The following DLX4 variants were observed in gnomAD, a reference collection of about 807,000 sequenced individuals.
The protein encoded by DLX4 is homeobox protein DLX-4.
A neutral mutation model predicts 17.1 loss-of-function variants in DLX4; 13 were observed. The ratio of observed to expected loss-of-function variants is 0.76; its 90% CI spans 0.49 to 1.21. The LOEUF (loss-of-function observed/expected upper bound fraction) is 1.21, where lower values mean the gene tolerates loss of function less well. DLX4 is among the 50% of genes most tolerant of loss of function. The pLI is 0.00. For synonymous variants in DLX4, 129 were observed against 140.3 expected (o/e 0.92, Z 0.57); for missense variants, 297 against 301.4 (o/e 0.99, Z 0.11).
chr17:49,974,288 C>T lies in DLX4; in HGVS notation c.*345C>T, dbSNP rs946123730. On this transcript the variant is annotated 3_prime_UTR_variant, in exon 3 of 3. Transcript: ENST00000240306. ...CTCCCCCACTCCTTCTTCCCTCTCTCCCTTTCTCCTCTCCCTGCTTTCTTG... is the reference window on the plus strand; with the variant it reads ...CTCCCCCACTCCTTCTTCCCTCTCTTCCTTTCTCCTCTCCCTGCTTTCTTG... 17 of 203,848 alleles carry T rather than the reference C, an allele frequency of 8.3e-5. No individual in the cohort carries two copies. The highest frequency in any genetic ancestry group is 3.8e-4 in the South Asian group (2 of 5,320). The allele number at this position is 203,848 out of a possible 1,614,324, so 12.6% of individuals were successfully genotyped here.
Position 49,973,780 on chromosome 17 carries a change from TC to T in DLX4, c.563del (p.Pro188LeufsTer52). ...KQNSGGQEGD[F>X]PGRTFSVSPC... Reference sequence around the variant, plus strand: ...AATTCTGGGGGGCAGGAAGGGGACTTCCCTGGGAGGACCTTCTCTGTGTCTC... The same window carrying T: ...AATTCTGGGGGGCAGGAAGGGGACTTCCTGGGAGGACCTTCTCTGTGTCTC... On this transcript the variant is annotated frameshift_variant, in exon 3 of 3. Transcript: ENST00000240306. LOFTEE classifies it low-confidence loss of function (END_TRUNC). 6.3e-7 allele frequency: 1 copy of T among 1,587,992 alleles called. No homozygotes were observed. The highest frequency in any genetic ancestry group is 1.7e-4 in the Middle Eastern group (1 of 5,960).
intron 2 of DLX4, 158 bp from the exon 3 acceptor site, chr17:49,973,543 G>C: frequency 9.3e-7 from 1 of 1,070,082 alleles, no homozygotes; most frequent in South Asian, 1.6e-5. Flanking sequence ...AACTCAGAAG[G>C]CTCCTGGGGC....
At chr17:49,971,029 G>A (rs1905484969) in intron 1 of DLX4, among the ~76,000 whole-genome samples, 1 of 152,180 alleles carries the variant, frequency 6.6e-6, no homozygotes. Flanking sequence ...GTTGCAGGGA[G>A]GAGTAGTTCT....
chr17:49,969,640 C>G lies in DLX4; in HGVS notation c.172C>G (p.Pro58Ala). ...SRPYGHLLSY[P>A]YTEPANPGDS... ...GCCGTATGGCCACCTCCTGTCTTAC[C>G]CCTACACCGAGCCAGCGAACCCCGG... The change falls in exon 1 of 3, where the codon CCC becomes GCC. Residue 58 changes from proline (P) to alanine (A), a missense_variant. Transcript: ENST00000240306. 3.1e-6 allele frequency: 5 copies of G among 1,612,296 alleles called. No homozygotes were observed. The highest frequency in any genetic ancestry group is 4.2e-6 in the Non-Finnish European group (5 of 1,179,988).
In DLX4 at chr17:49,972,888, G is replaced by A; in HGVS notation, c.284-185G>A. 1 of 1,448,810 alleles carries A rather than the reference G, an allele frequency of 6.9e-7. No homozygotes were observed. Among genetic ancestry groups the A allele is most frequent in the South Asian group, 1.5e-5 (1 of 67,654 alleles). 89.7% of individuals were successfully genotyped at this position (1,448,810 alleles called of 1,614,324 possible). A position where few individuals can be genotyped will look rare whatever the true frequency, so the allele number is the denominator to read the frequency against. On this transcript the variant is annotated intron_variant, in intron 1 of 2. Coordinates refer to ENST00000240306, the MANE Select transcript of DLX4 (RefSeq NM_138281.3). This position sits in a 1 kb window ranked among gnomAD's most constrained non-coding sequence, Gnocchi z 5.4. ...TCTTGTATCACCTGGCGCGGTGAAC[G>A]TGGGGGTTGAAACGCTCCACGCGGA...
intron 1 of DLX4, among the ~76,000 whole-genome samples, chr17:49,971,471 G>A (rs1905501844): frequency 6.6e-6 from 1 of 152,138 alleles, no homozygotes; most frequent in African/African-American, 2.4e-5. Context: ...GGGCCTGGAG[G>A]GAGGCCTTGG....
rs1794481882 is a variant in DLX4, at chr17:49,969,534, C to T, written c.66C>T (p.Ala22=). ...CCAAAGCTGTCTTCCCAGACCTCGCCCCTGTCCCGTCGGTAGCGGCTGCCT... is the reference window on the plus strand; with the variant it reads ...CCAAAGCTGTCTTCCCAGACCTCGCTCCTGTCCCGTCGGTAGCGGCTGCCT... ...DASKAVFPDL[A]PVPSVAAAYP... The change falls in exon 1 of 3, where the codon GCC becomes GCT. Residue 22 remains alanine (A), a synonymous_variant. Transcript: ENST00000240306. 9 of 1,613,124 alleles carry T rather than the reference C, an allele frequency of 5.6e-6. No homozygotes were observed. Among genetic ancestry groups the T allele is most frequent in the Non-Finnish European group, 7.6e-6 (9 of 1,179,962 alleles).
rs1335235731 is a variant in DLX4, at chr17:49,973,165, A to T, written c.376A>T (p.Ser126Cys). 4.3e-6 allele frequency: 7 copies of T among 1,614,022 alleles called. No homozygotes were observed. The highest frequency in any genetic ancestry group is 5.9e-6 in the Non-Finnish European group (7 of 1,180,028). ...CCGCAAGCCGAGGACCATCTACTCC[A>T]GCCTGCAGCTGCAGCACCTAAACCA... ...KLRKPRTIYSSLQLQHLNQRF... is the reference protein window; with the variant it reads ...KLRKPRTIYSCLQLQHLNQRF... Residue 126 changes from serine (S) to cysteine (C), a missense_variant, in exon 2 of 3, where the codon AGC (serine) becomes TGC (cysteine). Ser to Cys is a moderately radical substitution (Grantham distance 112, BLOSUM62 -1). Coordinates refer to ENST00000240306, the MANE Select transcript of DLX4 (RefSeq NM_138281.3).
chr17:49,973,828 C>T lies in DLX4; in HGVS notation c.608C>T (p.Ser203Phe), dbSNP rs536497798. 5.6e-6 allele frequency: 9 copies of T among 1,610,544 alleles called. No homozygotes were observed. Among genetic ancestry groups the T allele is most frequent in the Admixed American group, 5.0e-5 (3 of 59,692 alleles). The change falls in exon 3 of 3, where the codon TCC becomes TTC. Residue 203 changes from serine to phenylalanine, a missense_variant. Physicochemically the swap from Ser to Phe is radical, Grantham distance 155 (BLOSUM62 -2). Transcript: ENST00000240306. ...TCTCCCTGCTCCCCACCCCTCCCCT[C>T]CCTCTGGGATCTACCCAAGGCAGGG... is the stretch of plus-strand genomic sequence containing the variant. ...SVSPCSPPLP[S>F]LWDLPKAGTL...
Position 49,974,150 on chromosome 17 carries a change from A to C in DLX4, c.*207A>C. ...TCAAGGACCTCAGCCTTATATAATC[A>C]TTGTCCCCACCACTACCATGGACTG... On this transcript the variant is annotated 3_prime_UTR_variant, in exon 3 of 3. Coordinates refer to ENST00000240306, the MANE Select transcript of DLX4 (RefSeq NM_138281.3). 1 of 510,662 alleles carries C rather than the reference A, an allele frequency of 2.0e-6. No individual in the cohort carries two copies. 31.6% of individuals were successfully genotyped at this position (510,662 alleles called of 1,614,324 possible).
chr17:49,968,758 C>T (rs1164208029), upstream of DLX4, among the ~76,000 whole-genome samples: 1 of 152,214 alleles, frequency 6.6e-6, no homozygotes, highest in African/African-American at 2.4e-5. Context: ...CGGCGCATTC[C>T]GACGCGCTGA....
chr17:49,970,244 C>T (rs1224176683), intron 1 of DLX4, among the ~76,000 whole-genome samples: 3 of 152,182 alleles, frequency 2.0e-5, no homozygotes, highest in African/African-American at 4.8e-5. Flanking sequence ...CTGTAGACAT[C>T]GAGGCTTATT....
At chr17:49,971,049 A>G (rs996606818) in intron 1 of DLX4, among the ~76,000 whole-genome samples, 14 of 152,130 alleles carry the variant, frequency 9.2e-5, no homozygotes, top group African/African-American at 3.1e-4. Flanking sequence ...TAGTTTTTCA[A>G]ATGAATCCCT....
chr17:49,973,672 T>G, intron 2 of DLX4, 29 bp from the exon 3 acceptor site: 1 of 1,495,582 alleles, frequency 6.7e-7, no homozygotes, highest in South Asian at 1.4e-5. Context: ...CCTCCTGATC[T>G]TTCATTCTTT....
In DLX4 at chr17:49,972,912, G is replaced by A. The variant is rs1352041136; in HGVS notation, c.284-161G>A. 1.1e-5 allele frequency: 16 copies of A among 1,458,060 alleles called. No homozygotes were observed. The South Asian group carries it at 2.3e-4, about 21-fold the overall frequency. 90.3% of individuals were successfully genotyped at this position (1,458,060 alleles called of 1,614,324 possible). A position where few individuals can be genotyped will look rare whatever the true frequency, so the allele number is the denominator to read the frequency against. On this transcript the variant is annotated intron_variant, in intron 1 of 2. Coordinates refer to ENST00000240306, the MANE Select transcript of DLX4 (RefSeq NM_138281.3). This position sits in a 1 kb window ranked among gnomAD's most constrained non-coding sequence, Gnocchi z 5.4. ...CGTGGGGGTTGAAACGCTCCACGCG[G>A]AAGGTAGAGGGCAGGGGCCAAGGGG...
At chr17:49,970,794 C>A (rs548665772) in intron 1 of DLX4, among the ~76,000 whole-genome samples, 1 of 152,336 alleles carries the variant, frequency 6.6e-6, no homozygotes, top group East Asian at 1.9e-4. Context: ...AGGACCAAGA[C>A]ATCTTCCTCC....
At position 49,972,854 on chromosome 17, in the gene DLX4, A is replaced by G; in HGVS notation, c.284-219A>G. 2 of 1,436,652 alleles carry G rather than the reference A, an allele frequency of 1.4e-6. No homozygotes were observed. 89.0% of individuals were successfully genotyped at this position (1,436,652 alleles called of 1,614,324 possible). On this transcript the variant is annotated intron_variant, in intron 1 of 2. Transcript: ENST00000240306. This position sits in a 1 kb window ranked among gnomAD's most constrained non-coding sequence, Gnocchi z 5.4. The stretch of plus-strand genomic sequence containing the variant: ...ATACGAGTGGGAGCTCCCTGGGAGC[A>G]GAACTGCGTCTTGTATCACCTGGCG...
chr17:49,968,573 G>A (rs1297467453), upstream of DLX4, among the ~76,000 whole-genome samples: 1 of 152,176 alleles, frequency 6.6e-6, no homozygotes, highest in Non-Finnish European at 1.5e-5. Context: ...GCCCCTGCCG[G>A]AAGCGGAAGC....
At position 49,972,803 on chromosome 17, in the gene DLX4, G is replaced by C. The variant is rs888867496; in HGVS notation, c.284-270G>C. On this transcript the variant is annotated intron_variant, in intron 1 of 2. Coordinates refer to ENST00000240306, the MANE Select transcript of DLX4 (RefSeq NM_138281.3). This position sits in a 1 kb window ranked among gnomAD's most constrained non-coding sequence, Gnocchi z 5.4. ...CGGTACCCTGGCTGTGGCCCTCGGC[G>C]CTTTCTTCCTAGGGTCACAGGACCC... is the stretch of plus-strand genomic sequence containing the variant. 5.2e-5 allele frequency: 71 copies of C among 1,377,908 alleles called. 1 individual carries two copies. The African/African-American group carries it at 9.9e-4, about 19-fold the overall frequency. The allele number at this position is 1,377,908 out of a possible 1,614,324, so 85.4% of individuals were successfully genotyped here.
Sources: gnomAD v4.1 joint callset for allele counts (sites outside exome capture counted in the v4.1 genomes callset) on GRCh38, gnomAD v4.1.1 for gene constraint, Gnocchi (gnomAD v3.1) non-coding constraint, MANE v1.5 for transcripts, NCBI Gene and HGNC (gene_info 2026-07-23, HGNC 2026-07-21) for gene names.